ASPH: variants seen among roughly 807,000 people sequenced by gnomAD.
ASPH encodes the protein aspartyl/asparaginyl beta-hydroxylase.
In ASPH, 100 loss-of-function variants were observed where a neutral mutation model predicts 118.4. The observed-to-expected ratio is 0.84, with a 90% CI of 0.72 to 1.00. The LOEUF is 1.00. Ranked by LOEUF, ASPH falls within the 50% of genes least tolerant of loss-of-function variation. The pLI, the probability that ASPH is intolerant of heterozygous loss-of-function variation, is 0.00. For missense variants in ASPH, 920 were observed against 919.5 expected (o/e 1.00, Z -0.01); for synonymous variants, 315 against 325.6 (o/e 0.97, Z 0.35).
intron 1 of ASPH, among the ~76,000 whole-genome samples, chr8:61,700,973 C>T (rs1173729020): frequency 2.0e-5 from 3 of 152,138 alleles, no homozygotes; most frequent in Admixed American, 1.3e-4. Flanking sequence ...TATACATTCC[C>T]TGAGATTTAA....
At chr8:61,600,228 C>T (rs1843581016) in intron 14 of ASPH, among the ~76,000 whole-genome samples, 1 of 151,976 alleles carries the variant, frequency 6.6e-6, no homozygotes, top group Non-Finnish European at 1.5e-5. Flanking sequence ...AGGAATATAC[C>T]TCAACATAAT....
intron 21 of ASPH, among the ~76,000 whole-genome samples, chr8:61,539,228 G>A (rs1162013508): frequency 6.6e-6 from 1 of 152,148 alleles, no homozygotes; most frequent in African/African-American, 2.4e-5. Context: ...GCGACAGAGT[G>A]AGACTCCATC....
intron 1 of ASPH, among the ~76,000 whole-genome samples, chr8:61,706,554 T>C (rs1284727966): frequency 6.6e-6 from 1 of 151,812 alleles, no homozygotes; most frequent in Non-Finnish European, 1.5e-5. Context: ...TATAAGAAGA[T>C]TCAGTATTAT....
intron 14 of ASPH, among the ~76,000 whole-genome samples, chr8:61,595,142 T>C (rs1403828308): frequency 6.6e-6 from 1 of 152,218 alleles, no homozygotes; most frequent in Non-Finnish European, 1.5e-5. Context: ...CTTTAGAGTT[T>C]CTCCATATGC....
At chr8:61,625,033 AG>A in intron 13 of ASPH, 1 of 985,704 alleles carries the variant, frequency 1.0e-6, no homozygotes, top group Non-Finnish European at 1.2e-6. Flanking sequence ...TCCTAAAAGC[AG>A]GGGGAAAAAG....
chr8:61,564,763 T>C (rs1385161663), intron 17 of ASPH, among the ~76,000 whole-genome samples: 1 of 152,256 alleles, frequency 6.6e-6, no homozygotes, highest in Non-Finnish European at 1.5e-5. Context: ...AATCATCACA[T>C]GGACTTTAGT....
intron 1 of ASPH, among the ~76,000 whole-genome samples, chr8:61,708,769 G>A (rs537446143): frequency 2.0e-5 from 3 of 152,288 alleles, no homozygotes; most frequent in East Asian, 3.9e-4. Flanking sequence ...TGGGTTCAAC[G>A]TGTGGGCACA....
intron 3 of ASPH, among the ~76,000 whole-genome samples, chr8:61,655,601 G>A (rs1320976046): frequency 2.0e-5 from 3 of 152,148 alleles, no homozygotes; most frequent in Non-Finnish European, 2.9e-5. Context: ...CATTTGAAAA[G>A]TCATAATGCT....
Position 61,714,354 on chromosome 8 carries a change from A to T in ASPH, c.18T>A (p.Asn6Lys), listed in dbSNP as rs1269670385. 6 of 1,517,996 alleles carry T rather than the reference A, an allele frequency of 4.0e-6. No individual in the cohort carries two copies. The highest frequency in any genetic ancestry group is 5.3e-6 in the Non-Finnish European group (6 of 1,133,384). The allele number at this position is 1,517,996 out of a possible 1,614,324, so 94.0% of individuals were successfully genotyped here. A position where few individuals can be genotyped will look rare whatever the true frequency, so the allele number is the denominator to read the frequency against. MAQRK[N>K]AKSSGNSSSS... ...TGCTGCTGTTGCCGCTGCTCTTGGC[A>T]TTCTTACGCTGGGCCATTGCACGGT... Residue 6 changes from asparagine to lysine, a missense_variant, in exon 1 of 25, where the codon AAT becomes AAA. Coordinates refer to ENST00000379454, the MANE Select transcript of ASPH (RefSeq NM_004318.4).
rs200072789 is a variant in ASPH at position 61,562,797 on chromosome 8, C to A, written c.1384G>T (p.Val462Leu). 6.2e-6 allele frequency: 10 copies of A among 1,612,234 alleles called. No homozygotes were observed. The highest frequency in any genetic ancestry group is 1.6e-4 in the Middle Eastern group (1 of 6,074). Residue 462 changes from valine to leucine, a missense_variant, in exon 18 of 25, where the codon GTG becomes TTG. By Grantham distance (32) the Val-to-Leu change is conservative. Coordinates refer to ENST00000379454, the MANE Select transcript of ASPH (RefSeq NM_004318.4). ...TTATCTCCTATCAAGAGGTATCCCA[C>A]GCCAAGGTCATTTTTTAAGGAAGTA... ...NDTSLKNDLG[V>L]GYLLIGDNDN...
At position 61,664,610 on chromosome 8, in the gene ASPH, GTGAGGAGTGAA is replaced by G. The variant is rs1489118024; in HGVS notation, c.323-10961_323-10951del. On this transcript the variant is annotated intron_variant, in intron 3 of 24. Transcript: ENST00000379454. Reference sequence around the variant, plus strand: ...TGCAGGAGTGAGGGGCAGCGGTGAGGTGAGGAGTGAAGGAAAGGAGAGAGTAAAAGACTTGG... The same window carrying G: ...TGCAGGAGTGAGGGGCAGCGGTGAGGGGAAAGGAGAGAGTAAAAGACTTGG... The G allele has an allele frequency of 2.6e-5, 26 of 986,802 alleles. No homozygotes were observed. The South Asian group carries it at 5.2e-4, about 20-fold the overall frequency. 61.1% of individuals were successfully genotyped at this position (986,802 alleles called of 1,614,324 possible). A position where few individuals can be genotyped will look rare whatever the true frequency, so the allele number is the denominator to read the frequency against.
intron 14 of ASPH, among the ~76,000 whole-genome samples, chr8:61,618,223 A>G (rs984799223): frequency 6.6e-6 from 1 of 152,198 alleles, no homozygotes; most frequent in Non-Finnish European, 1.5e-5. Context: ...GTAAGATCTT[A>G]TGCACGTTAT....
intron 3 of ASPH, among the ~76,000 whole-genome samples, chr8:61,678,449 A>G (rs1486655131): frequency 6.6e-6 from 1 of 152,124 alleles, no homozygotes; most frequent in African/African-American, 2.4e-5. Context: ...ACGCTTTCAA[A>G]GAATCAGAAG....
intron 21 of ASPH, among the ~76,000 whole-genome samples, chr8:61,537,695 C>A (rs538009816): frequency 1.4e-4 from 21 of 152,190 alleles, no homozygotes; most frequent in Middle Eastern, 3.4e-3. Context: ...CAAATCATGA[C>A]CTACTGAATT....
At chr8:61,584,471 CAG>C (rs1299136358) in intron 14 of ASPH, among the ~76,000 whole-genome samples, 1 of 152,096 alleles carries the variant, frequency 6.6e-6, no homozygotes, top group African/African-American at 2.4e-5. Context: ...TCAAATAAAA[CAG>C]AATTTCTTCG....
chr8:61,578,556 G>A (rs1034122010), intron 15 of ASPH: 50 of 1,523,940 alleles, frequency 3.3e-5, no homozygotes, highest in Admixed American at 6.7e-5. Context: ...ACGGTTCCTG[G>A]AGCAGCAGAA....
At position 61,584,007 on chromosome 8, in the gene ASPH, A is replaced by T. The variant is rs1563916765; in HGVS notation, c.999T>A (p.Leu333=). Residue 333 remains leucine (L), a synonymous_variant, in exon 15 of 25, where the codon CTT becomes CTA. Coordinates refer to ENST00000379454, the MANE Select transcript of ASPH (RefSeq NM_004318.4). ...KAKVKKKKPK[L]LNKFDKTIKA... is the part of the protein sequence containing the mutation. ...TAATAGTCTTATCAAATTTATTTAA[A>T]AGTTTAGGCTTCTTTTTCTTAACTG... 1 of 1,565,830 alleles carries T rather than the reference A, an allele frequency of 6.4e-7. No individual in the cohort carries two copies. Among genetic ancestry groups the T allele is most frequent in the Non-Finnish European group, 8.7e-7 (1 of 1,151,884 alleles).
At chr8:61,596,350 G>C (rs1842504435) in intron 14 of ASPH, among the ~76,000 whole-genome samples, 1 of 152,204 alleles carries the variant, frequency 6.6e-6, no homozygotes, top group Non-Finnish European at 1.5e-5. Flanking sequence ...GGGTTGGCCT[G>C]CTACTGCTAC....
chr8:61,685,869 A>G (rs937108427), intron 1 of ASPH, among the ~76,000 whole-genome samples: 8 of 151,710 alleles, frequency 5.3e-5, no homozygotes, highest in Non-Finnish European at 8.8e-5. Flanking sequence ...GCTCGGTTCA[A>G]GGGATTCTCC....
Sources: allele counts gnomAD v4.1 joint callset (sites outside exome capture counted in the v4.1 genomes callset), GRCh38; gene constraint gnomAD v4.1.1; transcripts MANE v1.5; gene names NCBI Gene and HGNC (gene_info 2026-07-23, HGNC 2026-07-21).